ZNF454: variants seen among roughly 807,000 people sequenced by gnomAD.
ZNF454 encodes the protein zinc finger protein 454.
Under a neutral mutation model 48.2 loss-of-function variants are expected in ZNF454, and 30 were observed. That is an observed-to-expected ratio of 0.62 (90% CI 0.47 to 0.84). ZNF454 has a LOEUF of 0.84. ZNF454 is among the 40% of genes least tolerant of loss of function. The probability of loss-of-function intolerance (pLI) is 0.00; values close to 1 mark genes in which losing one functional copy is unlikely to be tolerated. For synonymous variants in ZNF454, 204 were observed against 211.4 expected, an observed-to-expected ratio of 0.97 and a Z score of 0.30; for missense variants, 510 against 623.1, an observed-to-expected ratio of 0.82 and a Z score of 1.93.
At position 178,942,691 on chromosome 5, in the gene ZNF454, T is replaced by A. The variant is rs1473400945; in HGVS notation, c.-101T>A. ...CCCAGTTCTCTCCTAATAGCAGGTG[T>A]GTGGACCCTTCTAGCCTGAGGAGTC... On this transcript the variant is annotated 5_prime_UTR_variant, in exon 2 of 5. Coordinates refer to ENST00000519564, the MANE Select transcript of ZNF454 (RefSeq NM_001178089.3). 7.5e-7 allele frequency: 1 copy of A among 1,334,334 alleles called. No individual in the cohort carries two copies. The highest frequency in any genetic ancestry group is 1.4e-5 in the African/African-American group (1 of 69,718). 82.7% of individuals were successfully genotyped at this position (1,334,334 alleles called of 1,614,324 possible).
intron 4 of ZNF454, among the ~76,000 whole-genome samples, chr5:178,959,840 C>T (rs930021655): frequency 1.1e-4 from 17 of 151,856 alleles, no homozygotes; most frequent in African/African-American, 3.6e-4. Flanking sequence ...CTCCTGACCT[C>T]GTGATCCACC....
At chr5:178,976,916 G>A in the ZNF454 span, among the ~76,000 whole-genome samples, 4 of 152,146 alleles carry the variant, frequency 2.6e-5, no homozygotes, top group Non-Finnish European at 5.9e-5. Flanking sequence ...ACCCAATCTG[G>A]CAGATTGTAT....
chr5:178,967,742 C>CTTTTTTTT (rs10694687), downstream of ZNF454, among the ~76,000 whole-genome samples: 10 of 129,508 alleles, frequency 7.7e-5, no homozygotes, highest in Admixed American at 1.7e-4. Flanking sequence ...TTTTCTTTTT[C>CTTTTTTTT]TTTTTTTTTT....
At chr5:178,951,553 C>CTGT (rs1333147546) in intron 4 of ZNF454, among the ~76,000 whole-genome samples, 1 of 152,212 alleles carries the variant, frequency 6.6e-6, no homozygotes, top group Non-Finnish European at 1.5e-5. Context: ...ATGTACTTTA[C>CTGT]TGTAGAAACC....
the ZNF454 span, chr5:178,983,623 C>G: frequency 8.0e-6 from 3 of 374,768 alleles, no homozygotes; most frequent in South Asian, 6.0e-5. Flanking sequence ...CTCGCATCGC[C>G]TCTCTAGCCT....
chr5:178,986,515 C>T, the ZNF454 span: 4 of 1,608,842 alleles, frequency 2.5e-6, no homozygotes, highest in Non-Finnish European at 3.4e-6. Flanking sequence ...GGAGGACCAG[C>T]TCAGGCGCAC....
chr5:178,968,909 T>G, downstream of ZNF454: 1 of 456,366 alleles, frequency 2.2e-6, no homozygotes, highest in South Asian at 1.5e-5. Flanking sequence ...GTCAGCGGCA[T>G]TAAGTGCAGG....
intron 4 of ZNF454, among the ~76,000 whole-genome samples, chr5:178,958,417 A>T (rs1759865075): frequency 6.6e-6 from 1 of 152,328 alleles, no homozygotes; most frequent in South Asian, 2.1e-4. Context: ...TGTCACTTGG[A>T]ACAATAGTTG....
rs1406120100 is a variant in ZNF454, at chr5:178,946,377, G to T, written c.52G>T (p.Asp18Tyr). ...TMVQESVTFK[D>Y]VAILFTQEEW... ...GTTGCAGGAATCGGTGACCTTCAAG[G>T]ATGTGGCTATACTGTTCACCCAGGA... The change falls in exon 3 of 5, where the codon GAT (aspartate) becomes TAT (tyrosine). Residue 18 changes from aspartate (D) to tyrosine (Y), a missense_variant. Around this residue, in one of 3 missense-constraint regions of ZNF454, gnomAD observed 354 missense variants for 408.9 expected, o/e 0.87. Coordinates refer to ENST00000519564, the MANE Select transcript of ZNF454 (RefSeq NM_001178089.3). The surrounding 1 kb of genome is among the most constrained non-coding windows in gnomAD (Gnocchi z 4.5). The T allele has an allele frequency of 6.2e-7, 1 of 1,612,422 alleles. No homozygotes were observed. Among genetic ancestry groups the T allele is most frequent in the South Asian group, 1.1e-5 (1 of 90,710 alleles).
chr5:178,987,397 T>C, the ZNF454 span: 16 of 460,940 alleles, frequency 3.5e-5, no homozygotes, highest in South Asian at 2.2e-4. Context: ...AGCCACAAGA[T>C]GAAAGCAACC....
the ZNF454 span, chr5:178,981,426 C>A: frequency 4.3e-6 from 2 of 467,578 alleles, no homozygotes. This position sits in a 1 kb window ranked among gnomAD's most constrained non-coding sequence, Gnocchi z 5.1. Flanking sequence ...TGTTTCCCAC[C>A]ATGGGAAGCG....
Position 178,946,811 on chromosome 5 carries a change from C to T in ZNF454, c.161-86C>T, listed in dbSNP as rs1002225630. 1.9e-5 allele frequency: 24 copies of T among 1,269,228 alleles called. No homozygotes were observed. In the East Asian group the frequency reaches 5.5e-4, roughly 29 times the overall value. 78.6% of individuals were successfully genotyped at this position (1,269,228 alleles called of 1,614,324 possible). On this transcript the variant is annotated intron_variant, in intron 3 of 4. Transcript: ENST00000519564. This position sits in a 1 kb window ranked among gnomAD's most constrained non-coding sequence, Gnocchi z 4.5. ...CTATCAAGTCCCATTTCCCAGCAAGCTCTGAGGACCAGGCTTTGTCTTTGC... is the reference window on the plus strand; with the variant it reads ...CTATCAAGTCCCATTTCCCAGCAAGTTCTGAGGACCAGGCTTTGTCTTTGC...
At position 178,953,238 on chromosome 5, in the gene ZNF454, T is replaced by G. The variant is rs117040732; in HGVS notation, c.250+6252T>G. On this transcript the variant is annotated intron_variant, in intron 4 of 4. Coordinates refer to ENST00000519564, the MANE Select transcript of ZNF454 (RefSeq NM_001178089.3). ...GATTTCCATTCGCTGTCCTCTCGGT[T>G]GTAGTGTAGCTTTGACTTGGTCAGT... Among the ~76,000 whole-genome samples the G allele has an allele frequency of 5.9e-5, 9 of 152,284 alleles. No individual in the cohort carries two copies. In the East Asian group the frequency reaches 1.5e-3, roughly 26 times the overall value.
chr5:178,986,407 A>G, the ZNF454 span: 1 of 1,613,782 alleles, frequency 6.2e-7, no homozygotes, highest in Non-Finnish European at 8.5e-7. Context: ...CGAGGCCCGG[A>G]CGATGGGCGT....
chr5:178,985,630 A>G, the ZNF454 span: 35,921 of 371,198 alleles, frequency 0.097, 2,086 homozygotes, highest in South Asian at 0.17. Context: ...GTGAACCCGG[A>G]AGGCAGAGCT....
chr5:178,987,191 C>G, the ZNF454 span: 1 of 694,770 alleles, frequency 1.4e-6, no homozygotes, highest in African/African-American at 1.8e-5. Context: ...GTGTTGTGAG[C>G]GTGTGGAGAA....
chr5:178,986,045 T>C, the ZNF454 span: 1 of 1,269,890 alleles, frequency 7.9e-7, no homozygotes, highest in Non-Finnish European at 1.1e-6. Context: ...TACAGGCGTG[T>C]GCCACTGTGC....
At chr5:178,981,415 C>T in the ZNF454 span, 25 of 497,838 alleles carry the variant, frequency 5.0e-5, no homozygotes, top group Non-Finnish European at 5.8e-5. The surrounding 1 kb of genome is among the most constrained non-coding windows in gnomAD (Gnocchi z 5.1). Flanking sequence ...TTCTCGGTGG[C>T]TGTTTCCCAC....
At chr5:178,975,400 C>G in the ZNF454 span, among the ~76,000 whole-genome samples, 1 of 152,184 alleles carries the variant, frequency 6.6e-6, no homozygotes, top group Non-Finnish European at 1.5e-5. Flanking sequence ...TTTGAAAACA[C>G]GTGCACAGAA....
Sources: allele counts gnomAD v4.1 joint callset (sites outside exome capture counted in the v4.1 genomes callset), GRCh38; gene constraint gnomAD v4.1.1; regional missense constraint gnomAD v4.1.1; non-coding constraint Gnocchi (gnomAD v3.1); transcripts MANE v1.5; gene names NCBI Gene and HGNC (gene_info 2026-07-23, HGNC 2026-07-21).